Variants in RHBDL2 observed in about 807,000 individuals in gnomAD.
RHBDL2 encodes the protein rhomboid-related protein 2.
In RHBDL2, 26 loss-of-function variants were observed where a neutral mutation model predicts 31.7. That is an observed-to-expected ratio of 0.82 (90% CI 0.60 to 1.14). RHBDL2 has a LOEUF of 1.14. Ranked by LOEUF, RHBDL2 falls within the 50% of genes most tolerant of loss-of-function variation. The pLI is 0.00. For missense variants in RHBDL2, 336 were observed against 364.4 expected, an observed-to-expected ratio of 0.92 and a Z score of 0.63; for synonymous variants, 123 against 127.2, an observed-to-expected ratio of 0.97 and a Z score of 0.22.
intron 2 of RHBDL2, among the ~76,000 whole-genome samples, chr1:38,917,835 C>G (rs530676043): frequency 6.6e-6 from 1 of 152,334 alleles, no homozygotes; most frequent in Non-Finnish European, 1.5e-5. Flanking sequence ...CTAGGCTATG[C>G]TACCCAGACA....
intron 3 of RHBDL2, among the ~76,000 whole-genome samples, chr1:38,915,155 G>A (rs935418080): frequency 4.7e-5 from 7 of 147,450 alleles, no homozygotes; most frequent in Non-Finnish European, 7.5e-5. Context: ...TTTTTGAGAT[G>A]GAGTCTCACT....
intron 6 of RHBDL2, among the ~76,000 whole-genome samples, chr1:38,892,841 G>A (rs772337862): frequency 1.3e-5 from 2 of 152,144 alleles, no homozygotes; most frequent in Admixed American, 1.3e-4. Flanking sequence ...TTACCTAATA[G>A]CTGCTGAAAC....
At chr1:38,910,859 A>T (rs547780143) in intron 4 of RHBDL2, among the ~76,000 whole-genome samples, 1 of 150,042 alleles carries the variant, frequency 6.7e-6, no homozygotes, top group East Asian at 2.0e-4. Context: ...GCTCACTGCA[A>T]TCTCCGCCCC....
At chr1:38,921,764 T>C (rs1643318774) in intron 1 of RHBDL2, among the ~76,000 whole-genome samples, 1 of 152,198 alleles carries the variant, frequency 6.6e-6, no homozygotes, top group South Asian at 2.1e-4. Context: ...CTTTTATTAA[T>C]TTCCCTTGAA....
At chr1:38,896,145 A>G in intron 4 of RHBDL2, 76 bp from the exon 5 acceptor site, 1 of 1,140,044 alleles carries the variant, frequency 8.8e-7, no homozygotes, top group Non-Finnish European at 1.3e-6. Context: ...TCTAAGGTAG[A>G]CATTTGGGAA....
At position 38,888,678 on chromosome 1, in the gene RHBDL2, T is replaced by A. The variant is rs184255232; in HGVS notation, c.671-654A>T. Among the ~76,000 whole-genome samples, 69 of 152,272 alleles carry A rather than the reference T, an allele frequency of 4.5e-4. 1 individual carries two copies. In the East Asian group the frequency reaches 0.013, roughly 28 times the overall value. On this transcript the variant is annotated intron_variant, in intron 6 of 7. Coordinates refer to ENST00000372990, the MANE Select transcript of RHBDL2 (RefSeq NM_017821.5). ...CTGGCTGGATCAGTAGTTTTCAAAG[T>A]GGTTTTTACCAAGACCAGCAGCATC...
intron 6 of RHBDL2, among the ~76,000 whole-genome samples, chr1:38,892,341 C>T (rs953524431): frequency 2.0e-5 from 3 of 152,008 alleles, no homozygotes; most frequent in Non-Finnish European, 2.9e-5. Context: ...CAGACAAAAT[C>T]ACATACAGCT....
At chr1:38,939,102 A>T (rs1338133593) in intron 1 of RHBDL2, among the ~76,000 whole-genome samples, 1 of 152,206 alleles carries the variant, frequency 6.6e-6, no homozygotes, top group Non-Finnish European at 1.5e-5. Flanking sequence ...CACTTGATTT[A>T]ATGAATGATG....
rs745745318 is a variant in RHBDL2 at position 38,918,988 on chromosome 1, G to T, written c.225C>A (p.Ile75=). 1 of 1,613,734 alleles carries T rather than the reference G, an allele frequency of 6.2e-7. No individual in the cohort carries two copies. Among genetic ancestry groups the T allele is most frequent in the South Asian group, 1.1e-5 (1 of 91,062 alleles). ...RANCFPPPVF[I]ISISLAELAV... ...TCACCTCGGCCAGGCTGATGGAGAT[G>T]ATGAACACGGGAGGCGGGAAGCAGT... Residue 75 remains isoleucine, a synonymous_variant, in exon 2 of 8, where the codon ATC becomes ATA. Transcript: ENST00000372990.
intron 2 of RHBDL2, among the ~76,000 whole-genome samples, 176 bp downstream of exon 2, chr1:38,918,791 A>G (rs539789588): frequency 4.9e-4 from 74 of 152,264 alleles, no homozygotes; most frequent in Non-Finnish European, 7.6e-4. Flanking sequence ...GTATAGGGAA[A>G]GCCTCAAAGG....
intron 4 of RHBDL2, among the ~76,000 whole-genome samples, chr1:38,904,800 G>A (rs9439091): frequency 0.34 from 51,443 of 149,244 alleles, 10,255 homozygotes; most frequent in Non-Finnish European, 0.45. Flanking sequence ...GGGAGGCCGA[G>A]GCGGGCGGAT....
At chr1:38,887,067 C>T (rs1010553412) in intron 7 of RHBDL2, among the ~76,000 whole-genome samples, 71 of 152,138 alleles carry the variant, frequency 4.7e-4, no homozygotes, top group Non-Finnish European at 1.2e-4. Context: ...AGATTTAAAA[C>T]ACAAGTAATA....
At chr1:38,938,183 A>G (rs1473719959) in intron 1 of RHBDL2, among the ~76,000 whole-genome samples, 1 of 150,688 alleles carries the variant, frequency 6.6e-6, no homozygotes, top group Non-Finnish European at 1.5e-5. Flanking sequence ...ATGCCCAGCT[A>G]ATTTTTTTTT....
intron 4 of RHBDL2, among the ~76,000 whole-genome samples, chr1:38,902,684 T>G (rs935864256): frequency 6.6e-6 from 1 of 152,108 alleles, no homozygotes; most frequent in Non-Finnish European, 1.5e-5. Context: ...CCTCCCCAAG[T>G]GCTGGGATTA....
chr1:38,914,960 C>T (rs1044178062), intron 3 of RHBDL2, among the ~76,000 whole-genome samples: 9 of 143,432 alleles, frequency 6.3e-5, no homozygotes, highest in African/African-American at 2.1e-4. Context: ...ACCCAGGAGG[C>T]GGAGGTTGCA....
intron 1 of RHBDL2, among the ~76,000 whole-genome samples, chr1:38,934,742 G>C (rs1381866566): frequency 6.6e-6 from 1 of 150,434 alleles, no homozygotes; most frequent in East Asian, 1.9e-4. Context: ...CAGATCACGA[G>C]GTCAAGAGTT....
chr1:38,908,713 G>C (rs1053805248), intron 4 of RHBDL2, among the ~76,000 whole-genome samples: 1 of 152,000 alleles, frequency 6.6e-6, no homozygotes, highest in Non-Finnish European at 1.5e-5. Context: ...AGTGATCTAG[G>C]GGTGAATTTA....
At chr1:38,895,335 T>TA (rs1172684898) in intron 5 of RHBDL2, among the ~76,000 whole-genome samples, 1 of 152,016 alleles carries the variant, frequency 6.6e-6, no homozygotes, top group African/African-American at 2.4e-5. Flanking sequence ...TGGTTTCCTT[T>TA]AAAAAATAAA....
chr1:38,920,230 C>T (rs1017945578), intron 1 of RHBDL2, among the ~76,000 whole-genome samples: 3 of 125,802 alleles, frequency 2.4e-5, no homozygotes, highest in African/African-American at 6.3e-5. Context: ...TCCAGTGGTG[C>T]GATCTCGGCT....
Sources: gnomAD v4.1 joint callset for allele counts (sites outside exome capture counted in the v4.1 genomes callset) on GRCh38, gnomAD v4.1.1 for gene constraint, MANE v1.5 for transcripts, NCBI Gene and HGNC (gene_info 2026-07-23, HGNC 2026-07-21) for gene names.